Variants in SATL1 observed in about 807,000 individuals in gnomAD.
SATL1 encodes the protein spermidine/spermine N(1)-acetyltransferase-like protein 1.
Under a neutral mutation model 51.8 loss-of-function variants are expected in SATL1, and 47 were observed. That is an observed-to-expected ratio of 0.91 (90% CI 0.72 to 1.16). The LOEUF (loss-of-function observed/expected upper bound fraction) is 1.16, where lower values mean the gene tolerates loss of function less well. Among genes scored for constraint, SATL1 ranks in the 50% most tolerant of loss-of-function variants. SATL1 has a pLI of 0.00. For missense variants in SATL1, 520 were observed against 526.4 expected, an observed-to-expected ratio of 0.99 and a Z score of 0.12; for synonymous variants, 176 against 182.4, an observed-to-expected ratio of 0.97 and a Z score of 0.28.
chrX:85,172,085 C>T (rs143336453), intron 2 of SATL1, among the ~76,000 whole-genome samples: 134 of 111,444 alleles, frequency 1.2e-3, no homozygotes, highest in African/African-American at 4.2e-3. Flanking sequence ...GGAAAATTAT[C>T]AACCAATTAT....
intron 2 of SATL1, among the ~76,000 whole-genome samples, chrX:85,194,439 A>T (rs1569245092): frequency 9.0e-6 from 1 of 111,421 alleles, no homozygotes; most frequent in Non-Finnish European, 1.9e-5. Context: ...ACTTAGTAGT[A>T]ACAGAGGTGA....
intron 2 of SATL1, among the ~76,000 whole-genome samples, chrX:85,220,687 A>AAAAAT (rs1569249782): frequency 1.1e-5 from 1 of 91,903 alleles, no homozygotes; most frequent in Admixed American, 1.2e-4. Context: ...AAAAAAAAAA[A>AAAAAT]CTCTCCTGGA....
intron 1 of SATL1, among the ~76,000 whole-genome samples, chrX:85,241,965 G>A (rs1050325475): frequency 8.9e-6 from 1 of 111,932 alleles, no homozygotes; most frequent in Non-Finnish European, 1.9e-5. Context: ...TGGACACAGA[G>A]GAACTAGTTA....
intron 4 of SATL1, among the ~76,000 whole-genome samples, chrX:85,101,019 C>G (rs913887096): frequency 1.8e-5 from 2 of 111,608 alleles, no homozygotes; most frequent in Non-Finnish European, 3.8e-5. Context: ...GAAGTTGGAC[C>G]CTTAACTTCA....
At chrX:85,103,006 G>A (rs780480476) in intron 4 of SATL1, among the ~76,000 whole-genome samples, 1 of 111,418 alleles carries the variant, frequency 9.0e-6, no homozygotes, top group South Asian at 3.8e-4. Context: ...TTCATAGAGT[G>A]TACATTACTT....
intron 2 of SATL1, among the ~76,000 whole-genome samples, chrX:85,208,470 C>T (rs779389982): frequency 1.8e-5 from 2 of 111,583 alleles, no homozygotes; most frequent in South Asian, 3.8e-4. Flanking sequence ...CTTGAGGGAT[C>T]GCCACACTGT....
Position 85,108,158 on chromosome X carries a change from T to C in SATL1, c.811A>G (p.Met271Val), listed in dbSNP as rs66539671. 0.01 allele frequency: 12,610 copies of C among 1,210,239 alleles called. 511 individuals carry two copies. The African/African-American group carries it at 0.15, about 14-fold the overall frequency. Residue 271 changes from methionine (M) to valine (V), a missense_variant, in exon 3 of 8, where the codon ATG (methionine) becomes GTG (valine). Physicochemically the swap from Met to Val is conservative, Grantham distance 21. Coordinates refer to ENST00000644105, the MANE Select transcript of SATL1 (RefSeq NM_001367857.2). ...IIQPSPSLLG[M>V]NQMDMNQWSA... ...CATTGGTTCATGTCCATTTGGTTCA[T>C]ACCAAGTAAGCTTGGGCTTGGCTGG...
intron 4 of SATL1, among the ~76,000 whole-genome samples, chrX:85,100,216 A>T (rs1198457758): frequency 3.6e-5 from 2 of 56,181 alleles, no homozygotes; most frequent in African/African-American, 1.1e-4. Flanking sequence ...AACGAAACAA[A>T]AAAACAAAAA....
intron 2 of SATL1, among the ~76,000 whole-genome samples, chrX:85,185,461 G>C (rs1159145183): frequency 1.8e-5 from 2 of 111,996 alleles, no homozygotes; most frequent in Non-Finnish European, 3.8e-5. Context: ...CCATCCAATA[G>C]CCAGGGCCTG....
chrX:85,147,020 T>C (rs1926264456), intron 2 of SATL1, among the ~76,000 whole-genome samples: 1 of 112,629 alleles, frequency 8.9e-6, no homozygotes, highest in African/African-American at 3.2e-5. Context: ...AGCGAGGCAT[T>C]GCCTCACTTG....
intron 4 of SATL1, among the ~76,000 whole-genome samples, chrX:85,098,246 A>C (rs1332229741): frequency 8.9e-6 from 1 of 112,103 alleles, no homozygotes; most frequent in African/African-American, 3.2e-5. Context: ...GTACATTATG[A>C]AATGATAAAG....
At chrX:85,154,297 C>T (rs1276790607) in intron 2 of SATL1, among the ~76,000 whole-genome samples, 1 of 111,137 alleles carries the variant, frequency 9.0e-6, no homozygotes, top group Non-Finnish European at 1.9e-5. Context: ...CTCCCACTCA[C>T]TCCCTAATCC....
chrX:85,104,861 T>G (rs1924998085), intron 3 of SATL1, among the ~76,000 whole-genome samples: 1 of 111,609 alleles, frequency 9.0e-6, no homozygotes, highest in Non-Finnish European at 1.9e-5. Flanking sequence ...ACATGTTCAG[T>G]ACGGTTGCAA....
chrX:85,167,179 G>A (rs1387325824), intron 2 of SATL1, among the ~76,000 whole-genome samples: 1 of 106,567 alleles, frequency 9.4e-6, no homozygotes, highest in African/African-American at 3.4e-5. Context: ...TCACTTGTAA[G>A]CCGGAGCTAA....
intron 2 of SATL1, among the ~76,000 whole-genome samples, chrX:85,173,027 A>T (rs997282080): frequency 8.9e-6 from 1 of 111,830 alleles, no homozygotes; most frequent in Non-Finnish European, 1.9e-5. Flanking sequence ...AATTATTTTT[A>T]AAATATGTTT....
chrX:85,198,197 G>A (rs1927614067), intron 2 of SATL1, among the ~76,000 whole-genome samples: 1 of 111,775 alleles, frequency 8.9e-6, no homozygotes, highest in African/African-American at 3.3e-5. Context: ...GTATTCCATT[G>A]TGCATATGTA....
At position 85,100,489 on chromosome X, in the gene SATL1, G is replaced by A. The variant is rs1056834033; in HGVS notation, c.1693+3375C>T. Among the ~76,000 whole-genome samples the A allele has an allele frequency of 6.3e-5, 7 of 111,693 alleles. No homozygotes were observed. In the Admixed American group the frequency reaches 6.7e-4, roughly 11 times the overall value. On this transcript the variant is annotated intron_variant, in intron 4 of 7. Transcript: ENST00000644105. ...AATACCTAGGAATAAATCTAATCAA[G>A]GAGGTTAAAAACTTGTATACTGAAA...
chrX:85,215,008 G>T (rs895407265), intron 2 of SATL1, among the ~76,000 whole-genome samples: 5 of 111,863 alleles, frequency 4.5e-5, no homozygotes, highest in African/African-American at 1.6e-4. Flanking sequence ...ACTTCCAGGG[G>T]CTCTATAATT....
rs576765273 is a variant in SATL1 at position 85,093,201 on chromosome X, A to C, written c.1901T>G (p.Leu634Arg). Residue 634 changes from leucine to arginine, a missense_variant, in exon 7 of 8, where the codon CTG becomes CGG. By Grantham distance (102) the Leu-to-Arg change is moderately radical. Around this residue, in one of 3 missense-constraint regions of SATL1, gnomAD observed 488 missense variants for 474.3 expected, o/e 1.03. Transcript: ENST00000644105. ...AATACATACCTGACTTAGCCTCTTC[A>C]GCATTTCAGCTCCAATACCTAGGCC... ...YQGLGIGAEM[L>R]KRLSQIAITT... The C allele has an allele frequency of 1.6e-5, 19 of 1,163,571 alleles. No individual in the cohort carries two copies. The African/African-American group carries it at 3.0e-4, about 19-fold the overall frequency.
Sources: gnomAD v4.1 joint callset for allele counts (sites outside exome capture counted in the v4.1 genomes callset) on GRCh38, gnomAD v4.1.1 for gene constraint, gnomAD v4.1.1 regional missense constraint, MANE v1.5 for transcripts, NCBI Gene and HGNC (gene_info 2026-07-23, HGNC 2026-07-21) for gene names.